Variants in PTPRT observed in about 807,000 individuals in gnomAD.
The protein encoded by PTPRT is receptor-type tyrosine-protein phosphatase T.
A neutral mutation model predicts 176.8 loss-of-function variants in PTPRT; 56 were observed. That is an observed-to-expected ratio of 0.32 (90% CI 0.26 to 0.40). The LOEUF is 0.40. Among genes scored for constraint, PTPRT ranks in the 10% least tolerant of loss-of-function variants. PTPRT has a pLI of 1.00. For missense variants in PTPRT, 1,540 were observed against 1,908.2 expected (o/e 0.81, Z 3.60); for synonymous variants, 783 against 739.0 (o/e 1.06, Z -0.96).
At chr20:43,001,489 A>G (rs1600638356) in intron 1 of PTPRT, among the ~76,000 whole-genome samples, 1 of 152,274 alleles carries the variant, frequency 6.6e-6, no homozygotes, top group East Asian at 1.9e-4. Context: ...CAACAAAAAA[A>G]AAACAGATTT....
At chr20:43,185,264 C>T (rs949794770) in intron 1 of PTPRT, among the ~76,000 whole-genome samples, 17 of 152,126 alleles carry the variant, frequency 1.1e-4, no homozygotes, top group African/African-American at 3.9e-4. Flanking sequence ...TGCCATGGCC[C>T]TTGTTTGTTT....
intron 7 of PTPRT, among the ~76,000 whole-genome samples, chr20:42,515,464 C>T (rs62205777): frequency 0.012 from 1,894 of 152,230 alleles, 16 homozygotes; most frequent in African/African-American, 0.018. Context: ...GCCTGAGTGA[C>T]AGAGCAAGAC....
At chr20:42,470,727 C>G (rs766360606) in intron 8 of PTPRT, among the ~76,000 whole-genome samples, 31 of 151,922 alleles carry the variant, frequency 2.0e-4, no homozygotes, top group Non-Finnish European at 2.5e-4. Context: ...AACATTTGAG[C>G]AAAGACTTGA....
chr20:42,951,396 G>T (rs1167484049), intron 1 of PTPRT, among the ~76,000 whole-genome samples: 1 of 151,564 alleles, frequency 6.6e-6, no homozygotes, highest in Admixed American at 6.6e-5. Context: ...TAAATAGATG[G>T]GGGGGTGGGT....
intron 9 of PTPRT, among the ~76,000 whole-genome samples, chr20:42,417,937 T>C (rs936790993): frequency 1.3e-5 from 2 of 152,050 alleles, no homozygotes; most frequent in African/African-American, 4.8e-5. Context: ...AAAGGGTCTC[T>C]ATATGTTTCC....
At chr20:42,935,141 G>T (rs1257452742) in intron 1 of PTPRT, among the ~76,000 whole-genome samples, 2 of 118,576 alleles carry the variant, frequency 1.7e-5, no homozygotes. Context: ...CATTGCTTTT[G>T]CCATAATTTT....
intron 3 of PTPRT, among the ~76,000 whole-genome samples, chr20:42,787,370 G>A (rs1386253800): frequency 6.6e-6 from 1 of 152,128 alleles, no homozygotes; most frequent in Non-Finnish European, 1.5e-5. Flanking sequence ...ATAGTCAGGT[G>A]GTCATCCAAC....
chr20:42,205,981 C>T (rs1039260158), intron 15 of PTPRT, among the ~76,000 whole-genome samples: 3 of 152,106 alleles, frequency 2.0e-5, no homozygotes, highest in Non-Finnish European at 2.9e-5. Flanking sequence ...AGACAAGACA[C>T]TGAGGCCTGG....
intron 6 of PTPRT, among the ~76,000 whole-genome samples, chr20:42,714,909 C>T (rs970557962): frequency 1.3e-5 from 2 of 152,104 alleles, no homozygotes; most frequent in African/African-American, 4.8e-5. Context: ...CAAGGTAAAA[C>T]TCTGTAAGGT....
At chr20:42,593,247 G>A (rs374138121) in intron 7 of PTPRT, among the ~76,000 whole-genome samples, 2 of 152,094 alleles carry the variant, frequency 1.3e-5, no homozygotes, top group East Asian at 1.9e-4. Flanking sequence ...AAAATCCTCC[G>A]CACATCTTCA....
intron 9 of PTPRT, among the ~76,000 whole-genome samples, chr20:42,411,273 C>T (rs1186802680): frequency 1.3e-5 from 2 of 151,738 alleles, no homozygotes; most frequent in African/African-American, 4.8e-5. Context: ...GGTGAAACCC[C>T]ATCTCTACTG....
Position 42,350,507 on chromosome 20 carries a change from C to T in PTPRT, c.1865+121G>A, listed in dbSNP as rs2071853. 0.028 allele frequency: 23,581 copies of T among 852,620 alleles called. 2,691 individuals are homozygous for T. In the East Asian group the frequency reaches 0.33, roughly 12 times the overall value. 52.8% of individuals were successfully genotyped at this position (852,620 alleles called of 1,614,324 possible). A position where few individuals can be genotyped will look rare whatever the true frequency, so the allele number is the denominator to read the frequency against. On this transcript the variant is annotated intron_variant, in intron 11 of 30. Coordinates refer to ENST00000373187, the MANE Select transcript of PTPRT (RefSeq NM_007050.6). ...CTTGGGGCTGCTGACCTCCTTCCTC[C>T]GAGGAAGCTTTGTTCCTGGCCAGTC...
At chr20:42,698,878 T>TGAATGAATGAATGAATGAAC in intron 6 of PTPRT, among the ~76,000 whole-genome samples, 1 of 152,190 alleles carries the variant, frequency 6.6e-6, no homozygotes, top group South Asian at 2.1e-4. Flanking sequence ...AATGAATGAA[T>TGAATGAATGAATGAATGAAC]GAACGAACAA....
At chr20:42,263,790 C>T (rs2056794903) in intron 13 of PTPRT, among the ~76,000 whole-genome samples, 1 of 151,668 alleles carries the variant, frequency 6.6e-6, no homozygotes, top group South Asian at 2.1e-4. Flanking sequence ...TCCCAAAGTG[C>T]TGGGATTATG....
At chr20:42,723,712 T>G (rs1239778899) in intron 6 of PTPRT, among the ~76,000 whole-genome samples, 1 of 152,240 alleles carries the variant, frequency 6.6e-6, no homozygotes, top group East Asian at 1.9e-4. Flanking sequence ...AGATGCCACG[T>G]GCTTTTGAGA....
intron 2 of PTPRT, among the ~76,000 whole-genome samples, chr20:42,817,989 C>T (rs937389581): frequency 2.0e-5 from 3 of 152,174 alleles, no homozygotes; most frequent in Non-Finnish European, 2.9e-5. Flanking sequence ...GGTTTCCCCC[C>T]AGCAAAGCAC....
intron 16 of PTPRT, among the ~76,000 whole-genome samples, chr20:42,192,884 C>A (rs1316684353): frequency 6.6e-6 from 1 of 152,178 alleles, no homozygotes; most frequent in Non-Finnish European, 1.5e-5. Context: ...ATGATTCCGG[C>A]AGAACCTGTC....
intron 1 of PTPRT, among the ~76,000 whole-genome samples, chr20:43,162,135 C>T (rs191471218): frequency 1.3e-5 from 2 of 152,120 alleles, no homozygotes; most frequent in Non-Finnish European, 2.9e-5. Flanking sequence ...AAAACACACA[C>T]TAAAACTGCT....
chr20:42,223,732 G>C (rs6072662), intron 15 of PTPRT, among the ~76,000 whole-genome samples: 24,024 of 152,098 alleles, frequency 0.16, 2,248 homozygotes, highest in Non-Finnish European at 0.2. Context: ...CCAGATATGA[G>C]CTTAGATTTT....
Sources: allele counts gnomAD v4.1 joint callset (sites outside exome capture counted in the v4.1 genomes callset), GRCh38; gene constraint gnomAD v4.1.1; transcripts MANE v1.5; gene names NCBI Gene and HGNC (gene_info 2026-07-23, HGNC 2026-07-21).